ACSL3: variants seen among roughly 807,000 people sequenced by gnomAD.
ACSL3 encodes the protein fatty acid CoA ligase Acsl3.
ACSL3 carries 34 observed loss-of-function variants against 84.7 expected under a neutral mutation model. The ratio of observed to expected loss-of-function variants is 0.40; its 90% confidence interval spans 0.31 to 0.53. ACSL3 has a LOEUF of 0.53. ACSL3 is among the 20% of genes least tolerant of loss of function. The pLI, the probability that ACSL3 is intolerant of heterozygous loss-of-function variation, is 0.48. For synonymous variants in ACSL3, 315 were observed against 299.4 expected, an observed-to-expected ratio of 1.05 and a Z score of -0.54; for missense variants, 680 against 873.1, an observed-to-expected ratio of 0.78 and a Z score of 2.79.
chr2:222,915,993 A>G (rs1296299325), intron 4 of ACSL3, among the ~76,000 whole-genome samples: 1 of 152,224 alleles, frequency 6.6e-6, no homozygotes, highest in Admixed American at 6.5e-5. Flanking sequence ...GGTGAAATTT[A>G]TAAGTAGATT....
At position 222,943,102 on chromosome 2, in the gene ACSL3, A is replaced by AC. The variant is rs1553601404; in HGVS notation, c.*1448_*1449insC. The AC allele has an allele frequency of 0.018, 3,495 of 198,988 alleles. 12 individuals are homozygous for AC. The highest frequency in any genetic ancestry group is 0.035 in the East Asian group (410 of 11,720). The allele number at this position is 198,988 out of a possible 1,614,324, so 12.3% of individuals were successfully genotyped here. The stretch of plus-strand genomic sequence containing the variant: ...GCAAAAATCAAAAAAAAAAAAAACA[A>AC]AAACAAAAAAAAAGATGAACCTAGG... On this transcript the variant is annotated 3_prime_UTR_variant, in exon 17 of 17. Coordinates refer to ENST00000357430, the MANE Select transcript of ACSL3 (RefSeq NM_004457.5).
At position 222,916,386 on chromosome 2, in the gene ACSL3, A is replaced by G. The variant is rs1156567855; in HGVS notation, c.446A>G (p.Asn149Ser). The change falls in exon 5 of 17, where the codon AAT (asparagine) becomes AGT (serine). Residue 149 changes from asparagine to serine, a missense_variant. Physicochemically the swap from Asn to Ser is conservative, Grantham distance 46. Transcript: ENST00000357430. ...DVFVRAFNFG[N>S]GLQMLGQKPK... is the part of the protein sequence containing the mutation. ...TTTGTTCGAGCCTTTAATTTTGGAA[A>G]TGGATTACAGATGTTGGGTCAGAAA... is the stretch of plus-strand genomic sequence containing the variant. The G allele has an allele frequency of 6.2e-7, 1 of 1,614,042 alleles. No homozygotes were observed. The highest frequency in any genetic ancestry group is 8.5e-7 in the Non-Finnish European group (1 of 1,179,934).
chr2:222,884,948 G>A (rs984302377), intron 1 of ACSL3, among the ~76,000 whole-genome samples: 28 of 152,156 alleles, frequency 1.8e-4, no homozygotes, highest in African/African-American at 6.0e-4. Context: ...GGCTGCAATT[G>A]CCTGTTTTCC....
intron 11 of ACSL3, among the ~76,000 whole-genome samples, chr2:222,926,120 A>G (rs767691999): frequency 6.6e-6 from 1 of 152,232 alleles, no homozygotes; most frequent in African/African-American, 2.4e-5. Context: ...AAAAAACAAT[A>G]AAATATAACA....
At chr2:222,938,624 C>T (rs894569828) in intron 16 of ACSL3, among the ~76,000 whole-genome samples, 1 of 152,010 alleles carries the variant, frequency 6.6e-6, no homozygotes, top group African/African-American at 2.4e-5. Flanking sequence ...GTGTAGTTCT[C>T]TTCCTAGTGG....
intron 2 of ACSL3, among the ~76,000 whole-genome samples, chr2:222,894,351 A>G (rs1695917741): frequency 6.6e-6 from 1 of 152,256 alleles, no homozygotes; most frequent in Non-Finnish European, 1.5e-5. Context: ...TTCTGATTTA[A>G]AACAATTGCT....
intron 2 of ACSL3, among the ~76,000 whole-genome samples, chr2:222,898,080 T>G (rs1351632943): frequency 1.3e-5 from 2 of 152,188 alleles, no homozygotes; most frequent in African/African-American, 4.8e-5. Flanking sequence ...ACCTTCACAT[T>G]ATCAAAACCA....
At position 222,916,412 on chromosome 2, in the gene ACSL3, C is replaced by A. The variant is rs374381918; in HGVS notation, c.472C>A (p.Pro158Thr). ...TGGATTACAGATGTTGGGTCAGAAACCAAAGACCAACATCGCCATCTTCTG... is the reference window on the plus strand; with the variant it reads ...TGGATTACAGATGTTGGGTCAGAAAACAAAGACCAACATCGCCATCTTCTG... ...GNGLQMLGQK[P>T]KTNIAIFCET... Residue 158 changes from proline (P) to threonine (T), a missense_variant, in exon 5 of 17, where the codon CCA becomes ACA. Around this residue, in one of 2 missense-constraint regions of ACSL3, gnomAD observed 333 missense variants for 347.5 expected, o/e 0.96. Transcript: ENST00000357430. The A allele has an allele frequency of 6.2e-7, 1 of 1,613,996 alleles. No homozygotes were observed. The highest frequency in any genetic ancestry group is 8.5e-7 in the Non-Finnish European group (1 of 1,179,962).
intron 12 of ACSL3, among the ~76,000 whole-genome samples, chr2:222,927,929 T>C (rs1368225056): frequency 1.3e-5 from 2 of 152,220 alleles, no homozygotes; most frequent in Non-Finnish European, 1.5e-5. Context: ...TGTTTTCGTA[T>C]ATTTTTGGAA....
At chr2:222,897,913 AGAGGGAGAGGGGGAGGGGGAGGGG>A (rs1559286771) in intron 2 of ACSL3, among the ~76,000 whole-genome samples, 1 of 744 alleles carries the variant, frequency 1.3e-3, no homozygotes, top group Non-Finnish European at 1.8e-3. Flanking sequence ...GAGACCGTGG[AGAGGGAGAGGGGGAGGGGGAGGGG>A]GAGGGGGAGG....
chr2:222,912,741 C>T lies in ACSL3; in HGVS notation c.379-3578C>T, dbSNP rs1485974653. Among the ~76,000 whole-genome samples, 2 of 152,150 alleles carry T rather than the reference C, an allele frequency of 1.3e-5. 1 individual carries two copies. The highest frequency in any genetic ancestry group is 4.1e-4 in the South Asian group (2 of 4,834). ...AAGGCAGTGGCGATGACCCTGCTCTCGTTGTGTCCAAGGTAGAGTAGCCAC... is the reference window on the plus strand; with the variant it reads ...AAGGCAGTGGCGATGACCCTGCTCTTGTTGTGTCCAAGGTAGAGTAGCCAC... On this transcript the variant is annotated intron_variant, in intron 4 of 16. Transcript: ENST00000357430.
intron 1 of ACSL3, among the ~76,000 whole-genome samples, chr2:222,881,195 T>C (rs1250465769): frequency 6.6e-6 from 1 of 152,262 alleles, no homozygotes; most frequent in Non-Finnish European, 1.5e-5. Flanking sequence ...AATTTATTAA[T>C]TAACTATTTT....
chr2:222,921,519 A>C lies in ACSL3; in HGVS notation c.956+89A>C, dbSNP rs531543148. The C allele has an allele frequency of 2.1e-5, 28 of 1,313,516 alleles. 1 individual carries two copies. In the South Asian group the frequency reaches 5.3e-4, roughly 25 times the overall value. The allele number at this position is 1,313,516 out of a possible 1,614,324, so 81.4% of individuals were successfully genotyped here. A position where few individuals can be genotyped will look rare whatever the true frequency, so the allele number is the denominator to read the frequency against. ...GTGTCATTTTATTAATATATGGCTAAATTAGTCCCTCAGAGTCTGTTTGTA... is the reference window on the plus strand; with the variant it reads ...GTGTCATTTTATTAATATATGGCTACATTAGTCCCTCAGAGTCTGTTTGTA... On this transcript the variant is annotated intron_variant, in intron 8 of 16. Transcript: ENST00000357430.
chr2:222,910,974 T>C (rs1050875003), intron 4 of ACSL3, among the ~76,000 whole-genome samples: 1 of 152,342 alleles, frequency 6.6e-6, no homozygotes, highest in Middle Eastern at 3.4e-3. Context: ...TTCCAGCCTA[T>C]GGATTGTAAT....
intron 1 of ACSL3, among the ~76,000 whole-genome samples, chr2:222,870,370 A>G (rs1277436962): frequency 2.6e-5 from 4 of 152,226 alleles, no homozygotes; most frequent in African/African-American, 9.7e-5. Flanking sequence ...TCAATAAGCA[A>G]GATTCTCATG....
intron 15 of ACSL3, 47 bp downstream of exon 15, chr2:222,933,327 C>T: frequency 1.4e-6 from 2 of 1,380,990 alleles, no homozygotes; most frequent in East Asian, 2.3e-5. Flanking sequence ...TATTTGATGT[C>T]CATAGACATT....
At position 222,943,587 on chromosome 2, in the gene ACSL3, A is replaced by T. The variant is rs765144322; in HGVS notation, c.*1933A>T. On this transcript the variant is annotated 3_prime_UTR_variant, in exon 17 of 17. Coordinates refer to ENST00000357430, the MANE Select transcript of ACSL3 (RefSeq NM_004457.5). ...TGGAACCATCTAATGAGGCAGGCTTAAACTCTATTTAGTTTCGTTTGTTTT... is the reference window on the plus strand; with the variant it reads ...TGGAACCATCTAATGAGGCAGGCTTTAACTCTATTTAGTTTCGTTTGTTTT... The T allele has an allele frequency of 6.5e-6, 1 of 154,606 alleles. No individual in the cohort carries two copies. The highest frequency in any genetic ancestry group is 2.4e-5 in the African/African-American group (1 of 41,528). 9.6% of individuals were successfully genotyped at this position (154,606 alleles called of 1,614,324 possible).
intron 3 of ACSL3, among the ~76,000 whole-genome samples, chr2:222,904,163 C>T (rs926965035): frequency 2.4e-4 from 36 of 152,138 alleles, no homozygotes; most frequent in African/African-American, 8.4e-4. Context: ...CCCAGCTACT[C>T]GGGAGTCTGA....
chr2:222,890,036 A>G (rs1430540431), intron 2 of ACSL3, among the ~76,000 whole-genome samples: 1 of 152,262 alleles, frequency 6.6e-6, no homozygotes, highest in East Asian at 1.9e-4. Flanking sequence ...AAGACTATTG[A>G]CTAAAGGAAG....
Sources: gnomAD v4.1 joint callset for allele counts (sites outside exome capture counted in the v4.1 genomes callset) on GRCh38, gnomAD v4.1.1 for gene constraint, gnomAD v4.1.1 regional missense constraint, MANE v1.5 for transcripts, NCBI Gene and HGNC (gene_info 2026-07-23, HGNC 2026-07-21) for gene names.